FOXJ3: variants seen among roughly 807,000 people sequenced by gnomAD.
FOXJ3 encodes the protein forkhead box J3.
In FOXJ3, 22 loss-of-function variants were observed where a neutral mutation model predicts 76.1. The ratio of observed to expected loss-of-function variants is 0.29; its 90% CI spans 0.21 to 0.41. The LOEUF (loss-of-function observed/expected upper bound fraction) is 0.41. Among genes scored for constraint, FOXJ3 ranks in the 10% least tolerant of loss-of-function variants. The pLI is 1.00. For missense variants in FOXJ3, 613 were observed against 762.1 expected (o/e 0.80, Z 2.30); for synonymous variants, 269 against 261.2 (o/e 1.03, Z -0.29).
At chr1:42,334,935 G>C (rs867927088) in intron 1 of FOXJ3, 124 bp downstream of exon 1, 1 of 152,202 alleles carries the variant, frequency 6.6e-6, no homozygotes, top group Non-Finnish European at 1.5e-5. Flanking sequence ...CCCGCAACGC[G>C]GCTGCGGCTG....
intron 5 of FOXJ3, among the ~76,000 whole-genome samples, chr1:42,216,544 C>T (rs2124393497): frequency 1.3e-5 from 2 of 151,986 alleles, no homozygotes; most frequent in South Asian, 4.2e-4. Context: ...CTACTGTTTT[C>T]CTCTTAAGTT....
At position 42,238,726 on chromosome 1, in the gene FOXJ3, T is replaced by C. The variant is rs565274694; in HGVS notation, c.445-10760A>G. 2.6e-5 allele frequency among the ~76,000 whole-genome samples: 4 copies of C among 152,038 alleles called. No individual in the cohort carries two copies. The South Asian group carries it at 8.3e-4, about 32-fold the overall frequency. The stretch of plus-strand genomic sequence containing the variant: ...GGCATGCACAACCATACCTGGCAAA[T>C]TTGTCTTCTTCTTTGTATGTTGCCC... On this transcript the variant is annotated intron_variant, in intron 4 of 12. Coordinates refer to ENST00000361346, the MANE Select transcript of FOXJ3 (RefSeq NM_014947.5).
At position 42,280,873 on chromosome 1, in the gene FOXJ3, T is replaced by C. The variant is rs72952396; in HGVS notation, c.45-2201A>G. Among the ~76,000 whole-genome samples, 432 of 152,322 alleles carry C rather than the reference T, an allele frequency of 2.8e-3. 2 individuals carry two copies. Among genetic ancestry groups the C allele is most frequent in the African/African-American group, 0.01 (416 of 41,566 alleles). On this transcript the variant is annotated intron_variant, in intron 2 of 12. Transcript: ENST00000361346. Reference sequence around the variant, plus strand: ...ATAAGAGTAGTTGCTTATATTATTATTCACATTTCATTCAATAAAGATTGG... The same window carrying C: ...ATAAGAGTAGTTGCTTATATTATTACTCACATTTCATTCAATAAAGATTGG...
upstream of FOXJ3, chr1:42,335,607 C>T (rs1440361897): frequency 2.0e-5 from 3 of 152,288 alleles, no homozygotes; most frequent in South Asian, 2.1e-4. Flanking sequence ...CCCCCGCCCC[C>T]CAACATCCGC....
intron 9 of FOXJ3, among the ~76,000 whole-genome samples, chr1:42,191,033 G>GGATAATATAA (rs1646530378): frequency 9.7e-6 from 1 of 103,234 alleles, no homozygotes; most frequent in Non-Finnish European, 2.1e-5. Flanking sequence ...TGATTTGGCA[G>GGATAATATAA]GATAATGTAA....
chr1:42,293,641 T>A (rs891900233), intron 2 of FOXJ3, among the ~76,000 whole-genome samples: 1 of 152,216 alleles, frequency 6.6e-6, no homozygotes, highest in Admixed American at 6.5e-5. Flanking sequence ...TCCAATCCAG[T>A]CTCACGAGCT....
intron 1 of FOXJ3, among the ~76,000 whole-genome samples, chr1:42,332,750 C>T (rs1481271377): frequency 3.9e-5 from 6 of 152,184 alleles, no homozygotes. Context: ...ATCTGACAGT[C>T]AAGCTCCTTG....
At chr1:42,214,888 C>G (rs1647035021) in intron 5 of FOXJ3, among the ~76,000 whole-genome samples, 1 of 152,338 alleles carries the variant, frequency 6.6e-6, no homozygotes, top group South Asian at 2.1e-4. Flanking sequence ...GAGGCCTGAA[C>G]CATGCATATA....
At chr1:42,315,668 G>A (rs1181642219) in intron 1 of FOXJ3, among the ~76,000 whole-genome samples, 1 of 152,154 alleles carries the variant, frequency 6.6e-6, no homozygotes, top group African/African-American at 2.4e-5. Context: ...CCCTACCCAG[G>A]CAACTGAACA....
intron 5 of FOXJ3, among the ~76,000 whole-genome samples, chr1:42,208,804 C>G (rs922519113): frequency 6.6e-6 from 1 of 152,348 alleles, no homozygotes; most frequent in South Asian, 2.1e-4. Context: ...ACTTAATGTA[C>G]TTAACCTACT....
At chr1:42,231,677 ATTT>A in intron 4 of FOXJ3, among the ~76,000 whole-genome samples, 1 of 152,164 alleles carries the variant, frequency 6.6e-6, no homozygotes, top group African/African-American at 2.4e-5. Context: ...AGCCGTTTCT[ATTT>A]TTATTTTTTT....
At chr1:42,264,959 C>T in intron 4 of FOXJ3, 156 bp downstream of exon 4, 1 of 668,760 alleles carries the variant, frequency 1.5e-6, no homozygotes, top group South Asian at 1.7e-5. Flanking sequence ...AGTTAGGTTC[C>T]CACAGCTTAA....
At chr1:42,237,427 T>TACATACATATATATATATATATATATAC (rs1648762159) in intron 4 of FOXJ3, among the ~76,000 whole-genome samples, 1 of 129,918 alleles carries the variant, frequency 7.7e-6, no homozygotes, top group African/African-American at 2.7e-5. Flanking sequence ...TATATATATA[T>TACATACATATATATATATATATATATAC]ACATACATAC....
chr1:42,210,538 T>G (rs1646947985), intron 5 of FOXJ3, among the ~76,000 whole-genome samples: 1 of 152,124 alleles, frequency 6.6e-6, no homozygotes, highest in Admixed American at 6.5e-5. Flanking sequence ...AGGAGAAATT[T>G]TCTGCATGAC....
intron 3 of FOXJ3, among the ~76,000 whole-genome samples, chr1:42,278,022 G>C (rs937137839): frequency 1.3e-5 from 2 of 150,158 alleles, no homozygotes; most frequent in Admixed American, 1.3e-4. Flanking sequence ...AAGACAGTTA[G>C]TACTAGTTGC....
intron 5 of FOXJ3, among the ~76,000 whole-genome samples, chr1:42,219,900 C>A (rs961715088): frequency 6.6e-6 from 1 of 152,188 alleles, no homozygotes; most frequent in African/African-American, 2.4e-5. Context: ...GCCTGGGCAA[C>A]AGGCTGAGAC....
At chr1:42,306,342 A>C (rs1187444547) in intron 2 of FOXJ3, among the ~76,000 whole-genome samples, 1 of 118,248 alleles carries the variant, frequency 8.5e-6, no homozygotes, top group African/African-American at 3.3e-5. Flanking sequence ...TCACTCTGTC[A>C]CCCAGGCTGG....
At chr1:42,316,008 T>C (rs182585166) in intron 1 of FOXJ3, among the ~76,000 whole-genome samples, 14 of 152,336 alleles carry the variant, frequency 9.2e-5, no homozygotes, top group African/African-American at 3.1e-4. Flanking sequence ...AAGCATGGAA[T>C]TTCTTTTAAC....
At position 42,286,315 on chromosome 1, in the gene FOXJ3, A is replaced by G. The variant is rs146738287; in HGVS notation, c.45-7643T>C. Among the ~76,000 whole-genome samples, 271 of 152,302 alleles carry G rather than the reference A, an allele frequency of 1.8e-3. 2 individuals are homozygous for G. Among genetic ancestry groups the G allele is most frequent in the African/African-American group, 6.2e-3 (256 of 41,558 alleles). ...CTATTCTTAGTATAATTTCCGCAAA[A>G]TAAGAGTCAATGTCCACATATATGG... On this transcript the variant is annotated intron_variant, in intron 2 of 12. Coordinates refer to ENST00000361346, the MANE Select transcript of FOXJ3 (RefSeq NM_014947.5).
Sources: gnomAD v4.1 joint callset for allele counts (sites outside exome capture counted in the v4.1 genomes callset) on GRCh38, gnomAD v4.1.1 for gene constraint, MANE v1.5 for transcripts, NCBI Gene and HGNC (gene_info 2026-07-23, HGNC 2026-07-21) for gene names.